Variants in ADGRE1 observed in about 807,000 individuals in gnomAD.
ADGRE1 encodes EGF-like module receptor 1.
In ADGRE1, 82 loss-of-function variants were observed where a neutral mutation model predicts 102.7. The ratio of observed to expected loss-of-function variants is 0.80; its 90% CI spans 0.67 to 0.96. The LOEUF is 0.96. Among genes scored for constraint, ADGRE1 ranks in the 40% least tolerant of loss-of-function variants. The pLI is 0.00. For synonymous variants in ADGRE1, 398 were observed against 399.6 expected, an observed-to-expected ratio of 1.00 and a Z score of 0.05; for missense variants, 1,032 against 1,085.3, an observed-to-expected ratio of 0.95 and a Z score of 0.69.
chr19:6,907,303 CAATG>C (rs1300426350), intron 9 of ADGRE1, among the ~76,000 whole-genome samples: 5 of 151,820 alleles, frequency 3.3e-5, no homozygotes, highest in Non-Finnish European at 7.4e-5. Flanking sequence ...AGACCATTCA[CAATG>C]TTATGCAATC....
At chr19:6,934,268 G>A (rs758281523) in intron 17 of ADGRE1, among the ~76,000 whole-genome samples, 3 of 152,164 alleles carry the variant, frequency 2.0e-5, no homozygotes, top group Non-Finnish European at 4.4e-5. Context: ...GCTTCTACCT[G>A]TTGGTCCTAA....
Position 6,937,693 on chromosome 19 carries a change from C to T in ADGRE1, c.2655+45C>T, listed in dbSNP as rs1014111972. On this transcript the variant is annotated intron_variant, in intron 20 of 20. Coordinates refer to ENST00000312053, the MANE Select transcript of ADGRE1 (RefSeq NM_001974.5). ...CTGCAGGTGCTGGTCGAGGGAGGTG[C>T]CGGCCTCTTGGTGACACTCAGCTCT... 9 of 1,585,272 alleles carry T rather than the reference C, an allele frequency of 5.7e-6. No individual in the cohort carries two copies. In the African/African-American group the frequency reaches 6.7e-5, roughly 12 times the overall value.
chr19:6,890,652 T>C, intron 2 of ADGRE1, 109 bp downstream of exon 2: 1 of 1,172,976 alleles, frequency 8.5e-7, no homozygotes, highest in Non-Finnish European at 1.2e-6. Context: ...TGGGAGCTAG[T>C]TAGCGGCAGA....
intron 15 of ADGRE1, 49 bp downstream of exon 15, chr19:6,924,921 C>G (rs1301084900): frequency 1.3e-6 from 2 of 1,588,034 alleles, no homozygotes; most frequent in Admixed American, 3.4e-5. Context: ...CTTCTCCCCA[C>G]CTGCCTCAGC....
At chr19:6,893,584 A>C (rs940022893) in intron 2 of ADGRE1, among the ~76,000 whole-genome samples, 1 of 152,130 alleles carries the variant, frequency 6.6e-6, no homozygotes, top group Admixed American at 6.5e-5. Flanking sequence ...ACTGATAGAC[A>C]CTTAGGTTGA....
At chr19:6,904,562 G>C (rs1973886121) in intron 8 of ADGRE1, among the ~76,000 whole-genome samples, 1 of 149,110 alleles carries the variant, frequency 6.7e-6, no homozygotes, top group African/African-American at 2.5e-5. Context: ...CTGGAGTACA[G>C]TGGCAGGATC....
intron 1 of ADGRE1, among the ~76,000 whole-genome samples, chr19:6,889,560 G>A (rs943021913): frequency 7.3e-5 from 11 of 151,122 alleles, no homozygotes; most frequent in East Asian, 1.9e-4. Flanking sequence ...GTGGTGGTGC[G>A]TGCTTGTAAT....
At chr19:6,929,845 G>A (rs1055923589) in intron 17 of ADGRE1, among the ~76,000 whole-genome samples, 1 of 151,844 alleles carries the variant, frequency 6.6e-6, no homozygotes, top group African/African-American at 2.4e-5. Context: ...TAGTAGAGAT[G>A]GGGTTTCACC....
rs751505944 is a variant in ADGRE1, at chr19:6,928,220, A to T, written c.2289+9A>T. ...TTTGCACAGTTATAGTGGTAAGCAA[A>T]TACTACAACAGCCTGGCGAAGTGTG... is the stretch of plus-strand genomic sequence containing the variant. On this transcript the variant is annotated intron_variant, in intron 17 of 20. Transcript: ENST00000312053. 1.2e-6 allele frequency: 2 copies of T among 1,614,184 alleles called. No individual in the cohort carries two copies. The highest frequency in any genetic ancestry group is 3.3e-5 in the Admixed American group (2 of 60,026).
rs34114948 is a variant in ADGRE1, at chr19:6,898,611, C to T, written c.514+1064C>T. 2.8e-5 allele frequency: 41 copies of T among 1,448,856 alleles called. No individual in the cohort carries two copies. The African/African-American group carries it at 4.5e-4, about 16-fold the overall frequency. The allele number at this position is 1,448,856 out of a possible 1,614,324, so 89.8% of individuals were successfully genotyped here. A position where few individuals can be genotyped will look rare whatever the true frequency, so the allele number is the denominator to read the frequency against. On this transcript the variant is annotated intron_variant, in intron 5 of 20. Coordinates refer to ENST00000312053, the MANE Select transcript of ADGRE1 (RefSeq NM_001974.5). ...ATATCAGTGAGTCCCTCACCAGCAGCGTCTGCCCTGAGCATTCTGACTGTG... is the reference window on the plus strand; with the variant it reads ...ATATCAGTGAGTCCCTCACCAGCAGTGTCTGCCCTGAGCATTCTGACTGTG...
At chr19:6,892,557 T>C (rs1973418910) in intron 2 of ADGRE1, among the ~76,000 whole-genome samples, 1 of 152,178 alleles carries the variant, frequency 6.6e-6, no homozygotes, top group East Asian at 1.9e-4. Context: ...TTTCTGATCT[T>C]CTATAGTTCG....
chr19:6,932,479 T>A (rs1467848722), intron 17 of ADGRE1, among the ~76,000 whole-genome samples: 2 of 151,918 alleles, frequency 1.3e-5, no homozygotes, highest in South Asian at 2.1e-4. Context: ...AAAAATAAAA[T>A]AAAAATAAAT....
chr19:6,897,303 T>C lies in ADGRE1; in HGVS notation c.393T>C (p.Thr131=), dbSNP rs1272767449. Residue 131 remains threonine (T), a splice_region_variant and synonymous_variant, in exon 4 of 21, where the codon ACT becomes ACC. Transcript: ENST00000312053. ...GAAAGCCGGGCAATTTCTCCTGTAC[T>C]GGTAATGCTCTCAGGTTCCCAGGGA... ...VPGKPGNFSC[T]DINECLTSSV... 6.2e-7 allele frequency: 1 copy of C among 1,613,944 alleles called. No individual in the cohort carries two copies. Among genetic ancestry groups the C allele is most frequent in the Non-Finnish European group, 8.5e-7 (1 of 1,179,988 alleles).
intron 17 of ADGRE1, among the ~76,000 whole-genome samples, chr19:6,933,450 T>G (rs1975252949): frequency 6.7e-6 from 1 of 150,024 alleles, no homozygotes; most frequent in African/African-American, 2.5e-5. Context: ...TACAATGGCA[T>G]GATCTCTGCT....
At chr19:6,919,510 A>G (rs1974545868) in intron 12 of ADGRE1, 38 bp from the exon 13 acceptor site, 1 of 1,586,238 alleles carries the variant, frequency 6.3e-7, no homozygotes. Flanking sequence ...AATTGAGCAA[A>G]CGATTCCTTC....
At chr19:6,903,735 A>C (rs1447661110) in intron 6 of ADGRE1, 75 bp from the exon 7 acceptor site, 1 of 1,581,686 alleles carries the variant, frequency 6.3e-7, no homozygotes. Flanking sequence ...ACATGACTCC[A>C]TATTTTGCAA....
chr19:6,937,461 C>A, intron 19 of ADGRE1, 50 bp downstream of exon 19: 3 of 1,590,602 alleles, frequency 1.9e-6, no homozygotes, highest in Non-Finnish European at 2.6e-6. Flanking sequence ...CCCCTCTCCC[C>A]CCTTCCCCAC....
intron 15 of ADGRE1, 80 bp from the exon 16 acceptor site, chr19:6,926,286 G>A (rs1290546666): frequency 8.8e-6 from 13 of 1,476,854 alleles, no homozygotes; most frequent in African/African-American, 2.8e-5. Context: ...ATTTCCAGCC[G>A]AGGAGTCTCT....
intron 1 of ADGRE1, among the ~76,000 whole-genome samples, chr19:6,889,116 A>G (rs1296640560): frequency 6.6e-6 from 1 of 151,784 alleles, no homozygotes; most frequent in African/African-American, 2.4e-5. Context: ...GATGGTGATG[A>G]TGATAATGGT....
Sources: gnomAD v4.1 joint callset for allele counts (sites outside exome capture counted in the v4.1 genomes callset) on GRCh38, gnomAD v4.1.1 for gene constraint, MANE v1.5 for transcripts, NCBI Gene and HGNC (gene_info 2026-07-23, HGNC 2026-07-21) for gene names.